The following LETM2 variants were observed in gnomAD, a reference collection of about 807,000 sequenced individuals.
LETM2 encodes the protein LETM1 domain-containing protein LETM2, mitochondrial.
Under a neutral mutation model 59.6 loss-of-function variants are expected in LETM2, and 58 were observed. The ratio of observed to expected loss-of-function variants is 0.97; its 90% CI spans 0.79 to 1.21. LETM2 has a LOEUF of 1.21. LETM2 is among the 50% of genes most tolerant of loss of function. The pLI, the probability that LETM2 is intolerant of heterozygous loss-of-function variation, is 0.00. For synonymous variants in LETM2, 199 were observed against 214.1 expected, an observed-to-expected ratio of 0.93 and a Z score of 0.62; for missense variants, 572 against 575.7, an observed-to-expected ratio of 0.99 and a Z score of 0.07.
At chr8:38,390,623 GAAAAAAAAAA>G (rs766904780) in intron 2 of LETM2, among the ~76,000 whole-genome samples, 2 of 44,868 alleles carry the variant, frequency 4.5e-5, no homozygotes, top group Admixed American at 2.3e-4. Context: ...CTCTGTCTCA[GAAAAAAAAAA>G]AAAAAAAAAA....
At chr8:38,394,077 C>A in intron 3 of LETM2, 21 bp from the exon 4 acceptor site, 1 of 1,417,064 alleles carries the variant, frequency 7.1e-7, no homozygotes. Context: ...ATGAATATTG[C>A]ATATGCATTT....
At chr8:38,391,181 C>CAAAAAAAA (rs552521178) in intron 2 of LETM2, among the ~76,000 whole-genome samples, 3 of 51,962 alleles carry the variant, frequency 5.8e-5, no homozygotes, top group South Asian at 7.6e-4. Flanking sequence ...CCTCCTGTCT[C>CAAAAAAAA]AAAAAAAAAA....
At chr8:38,389,861 T>G (rs1812075401) in intron 2 of LETM2, among the ~76,000 whole-genome samples, 1 of 151,530 alleles carries the variant, frequency 6.6e-6, no homozygotes, top group Non-Finnish European at 1.5e-5. Flanking sequence ...TAGCTGGACG[T>G]GGTGGCATGC....
chr8:38,396,304 C>T (rs1364308607), intron 4 of LETM2, among the ~76,000 whole-genome samples: 5 of 151,970 alleles, frequency 3.3e-5, no homozygotes, highest in Non-Finnish European at 5.9e-5. Context: ...GCTGGGATTA[C>T]AGACATGTGC....
Position 38,387,906 on chromosome 8 carries a change from G to A in LETM2, c.-34-44G>A, listed in dbSNP as rs1307431837. 7.8e-6 allele frequency: 6 copies of A among 765,354 alleles called. No homozygotes were observed. The African/African-American group carries it at 1.1e-4, about 14-fold the overall frequency. 47.4% of individuals were successfully genotyped at this position (765,354 alleles called of 1,614,324 possible). A position where few individuals can be genotyped will look rare whatever the true frequency, so the allele number is the denominator to read the frequency against. Reference sequence around the variant, plus strand: ...AAAATCCTGATGTCTTTTAATTGATGTATTTTTAAACTACTAAATTGTTTA... The same window carrying A: ...AAAATCCTGATGTCTTTTAATTGATATATTTTTAAACTACTAAATTGTTTA... On this transcript the variant is annotated intron_variant, in intron 1 of 10. Coordinates refer to ENST00000379957, the MANE Select transcript of LETM2 (RefSeq NM_001286819.2).
chr8:38,401,858 T>C (rs1813257431), intron 6 of LETM2, among the ~76,000 whole-genome samples: 1 of 152,180 alleles, frequency 6.6e-6, no homozygotes, highest in Non-Finnish European at 1.5e-5. Context: ...TAACTACTAA[T>C]TAGGCTTTTT....
chr8:38,400,759 A>T, intron 5 of LETM2, 94 bp from the exon 6 acceptor site: 14 of 1,117,844 alleles, frequency 1.3e-5, no homozygotes, highest in Non-Finnish European at 1.8e-5. Context: ...ACAGAGTCCC[A>T]TAAATGCTTT....
upstream of LETM2, among the ~76,000 whole-genome samples, chr8:38,385,365 G>GT (rs2150403947): frequency 6.6e-6 from 1 of 152,258 alleles, no homozygotes; most frequent in South Asian, 2.1e-4. Context: ...ATTCCTTGCT[G>GT]TATGGTGGTC....
intron 4 of LETM2, chr8:38,394,490 T>G: frequency 3.1e-6 from 1 of 320,630 alleles, no homozygotes; most frequent in East Asian, 5.2e-5. Context: ...GCTTTGCAAA[T>G]GCATAATTTC....
chr8:38,390,566 G>A (rs1284456118), intron 2 of LETM2, among the ~76,000 whole-genome samples: 1 of 134,746 alleles, frequency 7.4e-6, no homozygotes, highest in African/African-American at 2.8e-5. Context: ...AGGTTGCAGT[G>A]AGTCAAGATC....
intron 5 of LETM2, 136 bp from the exon 6 acceptor site, chr8:38,400,717 T>C: frequency 1.2e-6 from 1 of 828,520 alleles, no homozygotes; most frequent in East Asian, 2.5e-5. Context: ...ATATCTTTTC[T>C]TTATACCACG....
chr8:38,388,885 C>T (rs969820795), intron 2 of LETM2, among the ~76,000 whole-genome samples: 1 of 151,854 alleles, frequency 6.6e-6, no homozygotes, highest in African/African-American at 2.4e-5. Context: ...CCTGCCTCAG[C>T]CTCACAAGTA....
At chr8:38,393,307 T>C (rs1352167155) in intron 3 of LETM2, 1 of 262,282 alleles carries the variant, frequency 3.8e-6, no homozygotes, top group Non-Finnish European at 7.3e-6. Context: ...TTGAGGGGCT[T>C]CATGTTTCAA....
chr8:38,401,059 A>T lies in LETM2; in HGVS notation c.984+6A>T, dbSNP rs761773204. The T allele has an allele frequency of 1.2e-6, 2 of 1,610,000 alleles. No homozygotes were observed. Among genetic ancestry groups the T allele is most frequent in the Non-Finnish European group, 1.7e-6 (2 of 1,177,000 alleles). ...CTATAAAAGCAGATGATGAAGTAAGAGCTTAACCATAGCTCTAGGGAATTA... is the reference window on the plus strand; with the variant it reads ...CTATAAAAGCAGATGATGAAGTAAGTGCTTAACCATAGCTCTAGGGAATTA... On this transcript the variant is annotated splice_donor_region_variant and intron_variant, in intron 6 of 10. Coordinates refer to ENST00000379957, the MANE Select transcript of LETM2 (RefSeq NM_001286819.2).
At chr8:38,402,692 T>TA in intron 7 of LETM2, 48 bp downstream of exon 7, 1 of 1,594,194 alleles carries the variant, frequency 6.3e-7, no homozygotes, top group Non-Finnish European at 8.6e-7. Context: ...AACTCTCTCC[T>TA]ACAATATGCA....
At chr8:38,397,160 A>G (rs1456873221) in intron 4 of LETM2, 1 of 456,010 alleles carries the variant, frequency 2.2e-6, no homozygotes, top group South Asian at 1.5e-5. Context: ...AAACATTATG[A>G]GAAGACAAAA....
intron 4 of LETM2, among the ~76,000 whole-genome samples, chr8:38,399,366 T>A (rs1812970772): frequency 1.3e-5 from 2 of 152,202 alleles, no homozygotes; most frequent in African/African-American, 2.4e-5. Flanking sequence ...AGTTAAACTG[T>A]AAGCCACATT....
intron 4 of LETM2, among the ~76,000 whole-genome samples, chr8:38,398,531 G>A (rs557279759): frequency 6.6e-6 from 1 of 152,214 alleles, no homozygotes; most frequent in Non-Finnish European, 1.5e-5. Context: ...ATTAATGTGA[G>A]GAATTGTGGG....
At position 38,392,804 on chromosome 8, in the gene LETM2, A is replaced by G. The variant is rs780273690; in HGVS notation, c.310A>G (p.Ser104Gly). The change falls in exon 3 of 11, where the codon AGC (serine) becomes GGC (glycine). Residue 104 changes from serine (S) to glycine (G), a missense_variant. Transcript: ENST00000379957. ...AGCCACAAAACATCCACAGGTGACA[A>G]GCCCTCAGGCCACAAAAGAAACTGG... ...EQATKHPQVTSPQATKETGME... is the reference protein window; with the variant it reads ...EQATKHPQVTGPQATKETGME... 6.2e-7 allele frequency: 1 copy of G among 1,614,190 alleles called. No individual in the cohort carries two copies. The highest frequency in any genetic ancestry group is 8.5e-7 in the Non-Finnish European group (1 of 1,180,040).
Sources: allele counts gnomAD v4.1 joint callset (sites outside exome capture counted in the v4.1 genomes callset), GRCh38; gene constraint gnomAD v4.1.1; transcripts MANE v1.5; gene names NCBI Gene and HGNC (gene_info 2026-07-23, HGNC 2026-07-21).